The following ZNF655 variants were observed in gnomAD, a reference collection of about 807,000 sequenced individuals.
ZNF655 encodes the protein Vav-interacting Kruppel-like protein 1.
Under a neutral mutation model 6.6 loss-of-function variants are expected in ZNF655, and 3 were observed. The ratio of observed to expected loss-of-function variants is 0.46; its 90% CI spans 0.21 to 1.18. ZNF655 has a LOEUF of 1.18. ZNF655 is among the 50% of genes most tolerant of loss of function. ZNF655 has a pLI of 0.24. For synonymous variants in ZNF655, 178 were observed against 195.0 expected (o/e 0.91, Z 0.73); for missense variants, 526 against 572.3 (o/e 0.92, Z 0.83).
At chr7:99,571,695 A>G (rs1175858835) in intron 2 of ZNF655, 2 of 1,607,004 alleles carry the variant, frequency 1.2e-6, no homozygotes, top group Non-Finnish European at 1.7e-6. Flanking sequence ...CAGGATTTCC[A>G]ATTTCCAAGC....
At chr7:99,571,059 G>T (rs1241391574) in intron 2 of ZNF655, 1 of 309,268 alleles carries the variant, frequency 3.2e-6, no homozygotes, top group African/African-American at 2.2e-5. Context: ...CTTGAGGGAA[G>T]GGACCTTCTT....
intron 2 of ZNF655, chr7:99,564,800 CT>C: frequency 1.4e-6 from 1 of 732,124 alleles, no homozygotes; most frequent in Non-Finnish European, 1.7e-6. Flanking sequence ...CATTTCCTCT[CT>C]TATCTCTGCA....
At chr7:99,569,838 T>C (rs1419514707) in intron 2 of ZNF655, among the ~76,000 whole-genome samples, 4 of 152,168 alleles carry the variant, frequency 2.6e-5, no homozygotes, top group Non-Finnish European at 2.9e-5. Context: ...GGCGTACAAG[T>C]GGTTTTTTGT....
At chr7:99,563,854 TCTTTGTAGGCATA>T in intron 2 of ZNF655, 1 of 1,604,422 alleles carries the variant, frequency 6.2e-7, no homozygotes, top group South Asian at 1.1e-5. Flanking sequence ...GGCTCTTTAA[TCTTTGTAGGCATA>T]CTTCTCCGCC....
At chr7:99,568,792 A>C (rs1229182597) in intron 2 of ZNF655, among the ~76,000 whole-genome samples, 1 of 150,950 alleles carries the variant, frequency 6.6e-6, no homozygotes, top group East Asian at 2.0e-4. Context: ...TGGTTGATTG[A>C]CTGACTGACT....
chr7:99,570,096 A>T (rs975465704), intron 2 of ZNF655: 1 of 152,170 alleles, frequency 6.6e-6, no homozygotes, highest in East Asian at 1.9e-4. Flanking sequence ...CCCTCATCCC[A>T]CATGAAGACC....
chr7:99,566,019 A>ATGTGTGTGTGTG (rs995934518), intron 2 of ZNF655, among the ~76,000 whole-genome samples: 2 of 137,064 alleles, frequency 1.5e-5, no homozygotes, highest in South Asian at 5.3e-4. Flanking sequence ...TAGGACATTT[A>ATGTGTGTGTGTG]TATGTGTGTG....
At position 99,574,139 on chromosome 7, in the gene ZNF655, CA is replaced by C. The variant is rs1804269237; in HGVS notation, c.*556del. ...CAATAGGAGTTTAACTAGTCTTTGT[CA>C]TATCAGAATATCCATAGTAGACAAG... is the stretch of plus-strand genomic sequence containing the variant. On this transcript the variant is annotated 3_prime_UTR_variant, in exon 3 of 3. Transcript: ENST00000252713. 6.5e-6 allele frequency: 1 copy of C among 152,714 alleles called. No individual in the cohort carries two copies. The highest frequency in any genetic ancestry group is 6.5e-5 in the Admixed American group (1 of 15,340). The allele number at this position is 152,714 out of a possible 1,614,324, so 9.5% of individuals were successfully genotyped here. A position where few individuals can be genotyped will look rare whatever the true frequency, so the allele number is the denominator to read the frequency against.
intron 2 of ZNF655, chr7:99,571,371 A>C: frequency 8.0e-7 from 1 of 1,250,236 alleles, no homozygotes; most frequent in Admixed American, 2.8e-5. Flanking sequence ...TCCGAAGATT[A>C]ATCTTTAGGT....
chr7:99,572,634 G>C lies in ZNF655; in HGVS notation c.526G>C (p.Glu176Gln), dbSNP rs1262174325. Residue 176 changes from glutamate to glutamine, a missense_variant, in exon 3 of 3, where the codon GAA becomes CAA. Physicochemically the swap from Glu to Gln is conservative, Grantham distance 29. Transcript: ENST00000252713. Reference sequence around the variant, plus strand: ...CCAGAATTCAGCCTCTGGTAAACATGAACACTTAAATCTAACAGAGGATTT... The same window carrying C: ...CCAGAATTCAGCCTCTGGTAAACATCAACACTTAAATCTAACAGAGGATTT... ...FNQNSASGKH[E>Q]HLNLTEDFQS... 7 of 1,613,388 alleles carry C rather than the reference G, an allele frequency of 4.3e-6. No individual in the cohort carries two copies. Among genetic ancestry groups the C allele is most frequent in the East Asian group, 2.2e-5 (1 of 44,872 alleles).
chr7:99,571,301 C>T, intron 2 of ZNF655: 1 of 1,288,948 alleles, frequency 7.8e-7, no homozygotes, highest in South Asian at 1.2e-5. Flanking sequence ...TCACCTTTCT[C>T]CAGTCCAGCA....
At chr7:99,562,671 TG>T (rs1161332522) in intron 2 of ZNF655, among the ~76,000 whole-genome samples, 1 of 152,160 alleles carries the variant, frequency 6.6e-6, no homozygotes, top group Non-Finnish European at 1.5e-5. Flanking sequence ...AACGTTTGTT[TG>T]GGGGTGCCAA....
In ZNF655 at chr7:99,574,920, C is replaced by T. The variant is rs1480682704; in HGVS notation, c.*1336C>T. The T allele has an allele frequency of 6.6e-6, 1 of 152,204 alleles. No homozygotes were observed. Among genetic ancestry groups the T allele is most frequent in the East Asian group, 1.9e-4 (1 of 5,202 alleles). The allele number at this position is 152,204 out of a possible 1,614,324, so 9.4% of individuals were successfully genotyped here. ...CTACTTGATGTTGCTGGTCTGGTGT[C>T]TTATTTCCTAAAGTGAAGCATCTTT... On this transcript the variant is annotated 3_prime_UTR_variant, in exon 3 of 3. Transcript: ENST00000252713.
In ZNF655 at chr7:99,572,552, G is replaced by C. The variant is rs747478656; in HGVS notation, c.444G>C (p.Gln148His). ...FSLDSTIDADQRVLRIQNTDD... is the reference protein window; with the variant it reads ...FSLDSTIDADHRVLRIQNTDD... ...TGGACTCTACTATTGATGCAGATCA[G>C]AGAGTTCTTAGAATACAGAATACCG... The change falls in exon 3 of 3, where the codon CAG (glutamine) becomes CAC (histidine). Residue 148 changes from glutamine (Q) to histidine (H), a missense_variant. Coordinates refer to ENST00000252713, the MANE Select transcript of ZNF655 (RefSeq NM_138494.3). 4.3e-6 allele frequency: 7 copies of C among 1,613,912 alleles called. No individual in the cohort carries two copies. In the South Asian group the frequency reaches 6.6e-5, roughly 15 times the overall value.
At chr7:99,570,980 T>C (rs921110237) in intron 2 of ZNF655, 1 of 182,158 alleles carries the variant, frequency 5.5e-6, no homozygotes, top group South Asian at 9.0e-5. Context: ...GATGCACTGA[T>C]TGCACTTCCC....
At position 99,576,152 on chromosome 7, in the gene ZNF655, C is replaced by T. The variant is rs1804383752; in HGVS notation, c.*2568C>T. 1 of 152,478 alleles carries T rather than the reference C, an allele frequency of 6.6e-6. No individual in the cohort carries two copies. Among genetic ancestry groups the T allele is most frequent in the South Asian group, 2.1e-4 (1 of 4,830 alleles). 9.4% of individuals were successfully genotyped at this position (152,478 alleles called of 1,614,324 possible). ...GCTAACCTCTAGGATAGTTCTGCCA[C>T]TATATTTTACTTCTTTGCCATCAGC... On this transcript the variant is annotated 3_prime_UTR_variant, in exon 3 of 3. Transcript: ENST00000252713.
intron 2 of ZNF655, among the ~76,000 whole-genome samples, chr7:99,566,648 C>T (rs1803655932): frequency 6.6e-6 from 1 of 152,174 alleles, no homozygotes; most frequent in Admixed American, 6.5e-5. Context: ...GCCTGGACTT[C>T]CCTCCAGGCT....
chr7:99,564,919 C>T (rs940031490), intron 2 of ZNF655, among the ~76,000 whole-genome samples: 3 of 152,200 alleles, frequency 2.0e-5, no homozygotes, highest in African/African-American at 7.2e-5. Context: ...ATCAAGTTAG[C>T]AGCATCTCCT....
intron 2 of ZNF655, among the ~76,000 whole-genome samples, chr7:99,566,729 T>A (rs1246306686): frequency 6.6e-6 from 1 of 152,010 alleles, no homozygotes; most frequent in African/African-American, 2.4e-5. Context: ...CTAATTTTTT[T>A]CTATTTTTAG....
Sources: allele counts gnomAD v4.1 joint callset (sites outside exome capture counted in the v4.1 genomes callset), GRCh38; gene constraint gnomAD v4.1.1; transcripts MANE v1.5; gene names NCBI Gene and HGNC (gene_info 2026-07-23, HGNC 2026-07-21).